DOK6: variants seen among roughly 807,000 people sequenced by gnomAD.
DOK6 encodes the protein docking protein 6, also known as downstream of tyrosine kinase 6.
A neutral mutation model predicts 44.0 loss-of-function variants in DOK6; 22 were observed. The ratio of observed to expected loss-of-function variants is 0.50; its 90% CI spans 0.36 to 0.71. The LOEUF is 0.71. DOK6 is among the 30% of genes least tolerant of loss of function. The probability of loss-of-function intolerance (pLI) is 0.00; values close to 1 mark genes in which losing one functional copy is unlikely to be tolerated. For synonymous variants in DOK6, 166 were observed against 145.5 expected (o/e 1.14, Z -1.01); for missense variants, 340 against 416.4 (o/e 0.82, Z 1.60).
chr18:69,428,900 G>A (rs1978718641), intron 1 of DOK6, among the ~76,000 whole-genome samples: 1 of 152,194 alleles, frequency 6.6e-6, no homozygotes, highest in Non-Finnish European at 1.5e-5. Context: ...CATCATTCAT[G>A]TTTATTAGTG....
intron 4 of DOK6, among the ~76,000 whole-genome samples, chr18:69,682,956 C>A (rs1057095685): frequency 6.6e-6 from 1 of 152,204 alleles, no homozygotes; most frequent in Non-Finnish European, 1.5e-5. Flanking sequence ...GCACCTTACT[C>A]ATGTGGAAAA....
chr18:69,776,160 G>T (rs1354906948), intron 7 of DOK6, among the ~76,000 whole-genome samples: 1 of 151,786 alleles, frequency 6.6e-6, no homozygotes, highest in Non-Finnish European at 1.5e-5. Flanking sequence ...AAGTTTCTAA[G>T]GAAATAGAAA....
chr18:69,450,571 T>C (rs1979431766), intron 1 of DOK6, among the ~76,000 whole-genome samples: 1 of 146,970 alleles, frequency 6.8e-6, no homozygotes, highest in South Asian at 2.2e-4. Flanking sequence ...GTCACAAAGA[T>C]ACTCCTCGAG....
chr18:69,527,582 G>A (rs145303169), intron 1 of DOK6, among the ~76,000 whole-genome samples: 4,600 of 152,260 alleles, frequency 0.03, 108 homozygotes, highest in Non-Finnish European at 0.044. Flanking sequence ...AATTCAAGAT[G>A]AGATTTGGGT....
In DOK6 at chr18:69,844,827, G is replaced by A. The variant is rs1355294047; in HGVS notation, c.*3444G>A. ...CACCTTTTTCACCAAATAGTAACTA[G>A]AGAACTAGTCCTAGTATCTTGCGTA... On this transcript the variant is annotated 3_prime_UTR_variant, in exon 8 of 8. Transcript: ENST00000382713. 6.6e-6 allele frequency: 1 copy of A among 152,144 alleles called. No homozygotes were observed. Among genetic ancestry groups the A allele is most frequent in the Non-Finnish European group, 1.5e-5 (1 of 68,032 alleles). The allele number at this position is 152,144 out of a possible 1,614,324, so 9.4% of individuals were successfully genotyped here.
chr18:69,436,152 A>G (rs563783151), intron 1 of DOK6, among the ~76,000 whole-genome samples: 1 of 149,316 alleles, frequency 6.7e-6, no homozygotes, highest in South Asian at 2.1e-4. Flanking sequence ...TTGTCTTGAT[A>G]CATATACGAA....
chr18:69,668,672 T>C (rs1985719366), intron 3 of DOK6, among the ~76,000 whole-genome samples: 1 of 152,184 alleles, frequency 6.6e-6, no homozygotes, highest in South Asian at 2.1e-4. Flanking sequence ...TCTTTGCTGA[T>C]TTTTGTGATA....
In DOK6 at chr18:69,439,955, T is replaced by C. The variant is rs114332135; in HGVS notation, c.66+38645T>C. Among the ~76,000 whole-genome samples the C allele has an allele frequency of 3.5e-3, 530 of 152,354 alleles. 2 individuals carry two copies. The highest frequency in any genetic ancestry group is 0.012 in the African/African-American group (507 of 41,592). ...CTATCTCTGCTTTCAGCATGCCTTCTTCACTGAGTTTATTTTTAGCTTAAT... is the reference window on the plus strand; with the variant it reads ...CTATCTCTGCTTTCAGCATGCCTTCCTCACTGAGTTTATTTTTAGCTTAAT... On this transcript the variant is annotated intron_variant, in intron 1 of 7. Transcript: ENST00000382713.
At chr18:69,805,890 C>A (rs1240090592) in intron 7 of DOK6, among the ~76,000 whole-genome samples, 3 of 151,820 alleles carry the variant, frequency 2.0e-5, no homozygotes, top group African/African-American at 7.3e-5. Flanking sequence ...CCGTTTTTTA[C>A]TTTATTATGA....
At chr18:69,732,755 A>G (rs1055879014) in intron 5 of DOK6, among the ~76,000 whole-genome samples, 1 of 152,140 alleles carries the variant, frequency 6.6e-6, no homozygotes, top group African/African-American at 2.4e-5. Flanking sequence ...GTTTATGTTC[A>G]CTCTTTCATT....
intron 1 of DOK6, among the ~76,000 whole-genome samples, chr18:69,455,136 C>G (rs551464501): frequency 6.9e-5 from 9 of 129,924 alleles, no homozygotes; most frequent in African/African-American, 2.6e-4. Flanking sequence ...CCTTTAGGTA[C>G]TTTTGCTGAA....
At chr18:69,610,026 C>T (rs535412181) in intron 3 of DOK6, among the ~76,000 whole-genome samples, 87 of 152,234 alleles carry the variant, frequency 5.7e-4, no homozygotes, top group African/African-American at 2.0e-3. Flanking sequence ...AGGGGCTAAC[C>T]AATGGGCATA....
intron 5 of DOK6, among the ~76,000 whole-genome samples, chr18:69,706,299 T>C (rs972231940): frequency 3.3e-5 from 5 of 152,152 alleles, no homozygotes; most frequent in African/African-American, 1.2e-4. Flanking sequence ...CATGAGTCCT[T>C]GAGAAAGGCA....
At chr18:69,612,229 G>A (rs770835269) in intron 3 of DOK6, among the ~76,000 whole-genome samples, 9 of 125,254 alleles carry the variant, frequency 7.2e-5, no homozygotes, top group Admixed American at 1.6e-4. Flanking sequence ...AAAAAAACCA[G>A]GGTGGGAAGA....
At chr18:69,626,339 C>G (rs1324594522) in intron 3 of DOK6, among the ~76,000 whole-genome samples, 1 of 152,126 alleles carries the variant, frequency 6.6e-6, no homozygotes, top group Non-Finnish European at 1.5e-5. Flanking sequence ...CACTTCAAAC[C>G]GCCTCTCGGT....
chr18:69,462,924 C>T (rs1979826540), intron 1 of DOK6, among the ~76,000 whole-genome samples: 1 of 152,208 alleles, frequency 6.6e-6, no homozygotes, highest in Non-Finnish European at 1.5e-5. Context: ...CATTACCCTT[C>T]ATCAGATCAG....
intron 3 of DOK6, among the ~76,000 whole-genome samples, chr18:69,610,111 T>C (rs1051736773): frequency 1.3e-5 from 2 of 152,196 alleles, no homozygotes; most frequent in African/African-American, 4.8e-5. Context: ...ATCAATAATG[T>C]ATTGCCTTTT....
chr18:69,823,773 G>A (rs916941855), intron 7 of DOK6, among the ~76,000 whole-genome samples: 42 of 151,842 alleles, frequency 2.8e-4, no homozygotes, highest in African/African-American at 9.7e-4. Context: ...CCTGAGACCC[G>A]TTTGAGTTGC....
chr18:69,572,986 A>C (rs1484771300), intron 2 of DOK6, among the ~76,000 whole-genome samples: 1 of 151,572 alleles, frequency 6.6e-6, no homozygotes, highest in African/African-American at 2.4e-5. Context: ...TATGTTTTCA[A>C]ATATGACATA....
Sources: allele counts gnomAD v4.1 joint callset (sites outside exome capture counted in the v4.1 genomes callset), GRCh38; gene constraint gnomAD v4.1.1; transcripts MANE v1.5; gene names NCBI Gene and HGNC (gene_info 2026-07-23, HGNC 2026-07-21).